The following SRGAP1 variants were observed in gnomAD, a reference collection of about 807,000 sequenced individuals.
The protein encoded by SRGAP1 is SLIT-ROBO Rho GTPase activating protein 1.
Under a neutral mutation model 121.9 loss-of-function variants are expected in SRGAP1, and 43 were observed. That is an observed-to-expected ratio of 0.35 (90% confidence interval 0.28 to 0.46). The LOEUF is 0.46. SRGAP1 is among the 20% of genes least tolerant of loss of function. The pLI, the probability that SRGAP1 is intolerant of heterozygous loss-of-function variation, is 1.00. For synonymous variants in SRGAP1, 447 were observed against 485.4 expected, an observed-to-expected ratio of 0.92 and a Z score of 1.04; for missense variants, 1,102 against 1,350.9, an observed-to-expected ratio of 0.82 and a Z score of 2.89.
intron 3 of SRGAP1, among the ~76,000 whole-genome samples, chr12:64,009,957 G>A (rs553484768): frequency 6.6e-6 from 1 of 152,230 alleles, no homozygotes; most frequent in South Asian, 2.1e-4. Flanking sequence ...TTCTCCATTA[G>A]GCATTTTAGA....
intron 1 of SRGAP1, among the ~76,000 whole-genome samples, chr12:63,873,931 C>T (rs1899943506): frequency 6.6e-6 from 1 of 151,756 alleles, no homozygotes; most frequent in East Asian, 2.0e-4. Context: ...ACTCAGGAGG[C>T]TGAGGTGGGA....
chr12:63,854,817 T>C (rs944166410), intron 1 of SRGAP1, among the ~76,000 whole-genome samples: 2 of 152,206 alleles, frequency 1.3e-5, no homozygotes, highest in African/African-American at 4.8e-5. Flanking sequence ...ATAGTAATAG[T>C]GTATAAAATG....
intron 6 of SRGAP1, among the ~76,000 whole-genome samples, chr12:64,044,239 T>A (rs2035080722): frequency 6.6e-6 from 1 of 152,162 alleles, no homozygotes. Flanking sequence ...CATTATTAAT[T>A]CATCCTTTCA....
chr12:64,016,503 C>A (rs2034406124), intron 3 of SRGAP1, among the ~76,000 whole-genome samples: 2 of 152,030 alleles, frequency 1.3e-5, no homozygotes, highest in Non-Finnish European at 2.9e-5. Context: ...CAAAAAAGTG[C>A]TTTCTCAAAA....
In SRGAP1 at chr12:64,043,647, A is replaced by G. The variant is rs988700344; in HGVS notation, c.801+72A>G. 8 of 1,192,442 alleles carry G rather than the reference A, an allele frequency of 6.7e-6. No homozygotes were observed. In the East Asian group the frequency reaches 1.7e-4, roughly 26 times the overall value. The allele number at this position is 1,192,442 out of a possible 1,614,324, so 73.9% of individuals were successfully genotyped here. A position where few individuals can be genotyped will look rare whatever the true frequency, so the allele number is the denominator to read the frequency against. On this transcript the variant is annotated intron_variant, in intron 6 of 21. Coordinates refer to ENST00000355086, the MANE Select transcript of SRGAP1 (RefSeq NM_020762.4). The stretch of plus-strand genomic sequence containing the variant: ...CAATAACCATATTTCGTTGATTGGA[A>G]AATACTGTCATTTCTTAAGACTGTT...
In SRGAP1 at chr12:64,147,894, A is replaced by G. The variant is rs2037078391; in HGVS notation, c.*5222A>G. 2.6e-6 allele frequency: 1 copy of G among 386,180 alleles called. No homozygotes were observed. Among genetic ancestry groups the G allele is most frequent in the African/African-American group, 2.1e-5 (1 of 48,454 alleles). 23.9% of individuals were successfully genotyped at this position (386,180 alleles called of 1,614,324 possible). On this transcript the variant is annotated 3_prime_UTR_variant, in exon 22 of 22. Transcript: ENST00000355086. ...GTGGTGTCTTTGTTCCTTTCCTTTCATTCATCACTACTTTCTCCTTGACAG... is the reference window on the plus strand; with the variant it reads ...GTGGTGTCTTTGTTCCTTTCCTTTCGTTCATCACTACTTTCTCCTTGACAG...
chr12:63,987,306 C>T (rs1233844472), intron 2 of SRGAP1, among the ~76,000 whole-genome samples: 1 of 152,186 alleles, frequency 6.6e-6, no homozygotes, highest in Non-Finnish European at 1.5e-5. Flanking sequence ...GATGCCACTG[C>T]ATAGTGGAAA....
chr12:63,868,372 C>T (rs907200554), intron 1 of SRGAP1, among the ~76,000 whole-genome samples: 5 of 151,854 alleles, frequency 3.3e-5, no homozygotes, highest in Admixed American at 6.6e-5. Flanking sequence ...CGTGAGCCAC[C>T]GCGCCTGGCT....
intron 1 of SRGAP1, among the ~76,000 whole-genome samples, chr12:63,936,388 G>T (rs2031662391): frequency 6.6e-6 from 1 of 152,168 alleles, no homozygotes; most frequent in African/African-American, 2.4e-5. Flanking sequence ...AGTTAGGATA[G>T]TTCCTTTCCA....
rs1371660896 is a variant in SRGAP1, at chr12:63,870,817, T to C, written c.67+25934T>C. On this transcript the variant is annotated intron_variant, in intron 1 of 21. Coordinates refer to ENST00000355086, the MANE Select transcript of SRGAP1 (RefSeq NM_020762.4). ...CACAATATTCCTCCACAATATTCCA[T>C]TGAGTCCAATGTGTCCCAAAGTGCT... 7.2e-5 allele frequency among the ~76,000 whole-genome samples: 11 copies of C among 152,128 alleles called. 1 individual carries two copies. The highest frequency in any genetic ancestry group is 6.5e-4 in the Admixed American group (10 of 15,276).
At chr12:63,903,884 C>T (rs920901698) in intron 1 of SRGAP1, among the ~76,000 whole-genome samples, 7 of 152,160 alleles carry the variant, frequency 4.6e-5, no homozygotes, top group African/African-American at 1.2e-4. Flanking sequence ...CTGCCCGCCT[C>T]GGCCTCCCAA....
intron 14 of SRGAP1, among the ~76,000 whole-genome samples, chr12:64,097,034 A>G (rs2036168563): frequency 6.6e-6 from 1 of 152,208 alleles, no homozygotes; most frequent in African/African-American, 2.4e-5. Flanking sequence ...TAAGATTTTA[A>G]AAGCTTTATT....
chr12:64,098,440 TG>T (rs1034018170), intron 15 of SRGAP1, among the ~76,000 whole-genome samples: 36 of 151,478 alleles, frequency 2.4e-4, no homozygotes, highest in Admixed American at 7.2e-4. Context: ...CTCCCCAAGG[TG>T]GGCTTATTGC....
At chr12:63,850,973 T>C (rs959560364) in intron 1 of SRGAP1, among the ~76,000 whole-genome samples, 2 of 151,748 alleles carry the variant, frequency 1.3e-5, no homozygotes, top group Non-Finnish European at 2.9e-5. Flanking sequence ...CTTGGCAACA[T>C]GGTGAAATCT....
chr12:63,928,665 C>T (rs948615169), intron 1 of SRGAP1, among the ~76,000 whole-genome samples: 3 of 148,982 alleles, frequency 2.0e-5, no homozygotes, highest in African/African-American at 7.4e-5. Flanking sequence ...GGGGTGGGGG[C>T]GGTGGTGGGG....
chr12:64,035,659 T>C (rs1394226533), intron 4 of SRGAP1, among the ~76,000 whole-genome samples: 2 of 152,196 alleles, frequency 1.3e-5, no homozygotes, highest in Non-Finnish European at 2.9e-5. Flanking sequence ...GTTTTATAAA[T>C]GTGTGTCTTT....
chr12:64,094,919 T>C lies in SRGAP1; in HGVS notation c.1540-13T>C. 6.2e-7 allele frequency: 1 copy of C among 1,613,696 alleles called. No individual in the cohort carries two copies. Among genetic ancestry groups the C allele is most frequent in the Non-Finnish European group, 8.5e-7 (1 of 1,179,604 alleles). The stretch of plus-strand genomic sequence containing the variant: ...CTCCCTTGAGGTTAACTGGTTTCCA[T>C]CCCTTTACCCAGGACTCAGGACAGG... On this transcript the variant is annotated splice_polypyrimidine_tract_variant and intron_variant, in intron 12 of 21. Coordinates refer to ENST00000355086, the MANE Select transcript of SRGAP1 (RefSeq NM_020762.4).
In SRGAP1 at chr12:64,142,421, G is replaced by A; in HGVS notation, c.3007G>A (p.Ala1003Thr). ...GCAAGTGAAAAACTCTCCCACCCCTGCCACTTCCACGGAATCTCTCAGCCC... is the reference window on the plus strand; with the variant it reads ...GCAAGTGAAAAACTCTCCCACCCCTACCACTTCCACGGAATCTCTCAGCCC... ...LEQVKNSPTPATSTESLSPLH... is the reference protein window; with the variant it reads ...LEQVKNSPTPTTSTESLSPLH... Residue 1003 changes from alanine (A) to threonine (T), a missense_variant, in exon 22 of 22, where the codon GCC becomes ACC. Physicochemically the swap from Ala to Thr is moderately conservative, Grantham distance 58 (BLOSUM62 0). Transcript: ENST00000355086. The A allele has an allele frequency of 2.5e-6, 4 of 1,614,066 alleles. No individual in the cohort carries two copies. Among genetic ancestry groups the A allele is most frequent in the Non-Finnish European group, 3.4e-6 (4 of 1,180,026 alleles).
In SRGAP1 at chr12:64,147,812, TAATA is replaced by T; in HGVS notation, c.*5146_*5149del. On this transcript the variant is annotated 3_prime_UTR_variant, in exon 22 of 22. Transcript: ENST00000355086. ...GTTTGTTCTTCACGGTGTATCTTTA[TAATA>T]AATAAGATAGTTCTGGCTGCCTTTG... The T allele has an allele frequency of 7.6e-6, 3 of 397,312 alleles. No homozygotes were observed. The highest frequency in any genetic ancestry group is 8.9e-6 in the Non-Finnish European group (2 of 225,776). 24.6% of individuals were successfully genotyped at this position (397,312 alleles called of 1,614,324 possible).
Sources: gnomAD v4.1 joint callset for allele counts (sites outside exome capture counted in the v4.1 genomes callset) on GRCh38, gnomAD v4.1.1 for gene constraint, MANE v1.5 for transcripts, NCBI Gene and HGNC (gene_info 2026-07-23, HGNC 2026-07-21) for gene names.